Variants in CNDP1 observed in about 807,000 individuals in gnomAD.
The protein encoded by CNDP1 is carnosine dipeptidase 1.
Under a neutral mutation model 58.1 loss-of-function variants are expected in CNDP1, and 44 were observed. The ratio of observed to expected loss-of-function variants is 0.76; its 90% CI spans 0.60 to 0.97. The LOEUF (loss-of-function observed/expected upper bound fraction) is 0.97, where lower values mean the gene tolerates loss of function less well. Among genes scored for constraint, CNDP1 ranks in the 50% least tolerant of loss-of-function variants. The pLI is 0.00. For synonymous variants in CNDP1, 254 were observed against 252.6 expected (o/e 1.01, Z -0.05); for missense variants, 616 against 655.1 (o/e 0.94, Z 0.65).
chr18:74,544,159 G>C (rs545906665), intron 1 of CNDP1, among the ~76,000 whole-genome samples: 1 of 152,246 alleles, frequency 6.6e-6, no homozygotes, highest in East Asian at 1.9e-4. Context: ...GGCACAGACA[G>C]AAGAATCACT....
intron 3 of CNDP1, 35 bp from the exon 4 acceptor site, chr18:74,560,821 C>T: frequency 6.3e-7 from 1 of 1,592,874 alleles, no homozygotes; most frequent in Non-Finnish European, 8.6e-7. Flanking sequence ...AACAACACAG[C>T]ATTTTTGAAA....
At chr18:74,567,572 G>A in intron 6 of CNDP1, 139 bp downstream of exon 6, 1 of 743,704 alleles carries the variant, frequency 1.3e-6, no homozygotes, top group Non-Finnish European at 2.3e-6. Context: ...CGGCCTCAGG[G>A]GAGGTGGGGT....
At chr18:74,534,834 C>CT (rs1353416724) in intron 1 of CNDP1, 143 bp downstream of exon 1, 3 of 807,562 alleles carry the variant, frequency 3.7e-6, no homozygotes, top group African/African-American at 3.4e-5. Flanking sequence ...TTCTTAGGTG[C>CT]TGTCTTGGCC....
chr18:74,577,268 C>T, intron 8 of CNDP1: 1 of 334,244 alleles, frequency 3.0e-6, no homozygotes, highest in Non-Finnish European at 5.4e-6. Context: ...AGCAGTTACC[C>T]ATTTCCCAGC....
rs544875437 is a variant in CNDP1, at chr18:74,559,636, G to A, written c.303+164G>A. 1.3e-4 allele frequency among the ~76,000 whole-genome samples: 20 copies of A among 152,258 alleles called. No homozygotes were observed. The South Asian group carries it at 3.5e-3, about 27-fold the overall frequency. ...CATTCCCCTGGTCTCAAATGAAGCC[G>A]TGTTATTGCTTTCCAGTCTTGTCAG... On this transcript the variant is annotated intron_variant, in intron 3 of 11. Coordinates refer to ENST00000358821, the MANE Select transcript of CNDP1 (RefSeq NM_032649.6).
chr18:74,583,075 C>T (rs561965162), intron 10 of CNDP1, among the ~76,000 whole-genome samples: 24 of 152,322 alleles, frequency 1.6e-4, no homozygotes, highest in Admixed American at 1.0e-3. Context: ...TGCAAGATCT[C>T]GGCTCACCGC....
chr18:74,547,567 A>C (rs1239356060), intron 1 of CNDP1, among the ~76,000 whole-genome samples: 2 of 152,232 alleles, frequency 1.3e-5, no homozygotes, highest in African/African-American at 4.8e-5. Context: ...CAGGAGACAG[A>C]AGTGTCCTTC....
In CNDP1 at chr18:74,544,141, A is replaced by T. The variant is rs149113631; in HGVS notation, c.24+9450A>T. On this transcript the variant is annotated intron_variant, in intron 1 of 11. Transcript: ENST00000358821. Reference sequence around the variant, plus strand: ...GTGTTGCACACCTGTAGTCCCAGCCACTCAGGAGGCACAGACAGAAGAATC... The same window carrying T: ...GTGTTGCACACCTGTAGTCCCAGCCTCTCAGGAGGCACAGACAGAAGAATC... Among the ~76,000 whole-genome samples, 612 of 152,138 alleles carry T rather than the reference A, an allele frequency of 4.0e-3. 4 individuals are homozygous for T. The highest frequency in any genetic ancestry group is 0.013 in the African/African-American group (553 of 41,490).
At chr18:74,562,703 G>A (rs1053821127) in intron 5 of CNDP1, among the ~76,000 whole-genome samples, 2 of 152,184 alleles carry the variant, frequency 1.3e-5, no homozygotes, top group African/African-American at 4.8e-5. Context: ...CAGAGGCAGG[G>A]GTACATATTT....
At chr18:74,579,986 T>TG (rs1981746671) in intron 9 of CNDP1, 144 bp from the exon 10 acceptor site, 2 of 706,404 alleles carry the variant, frequency 2.8e-6, no homozygotes, top group South Asian at 3.8e-5. Flanking sequence ...TCACAACACT[T>TG]GCGTGTGTCA....
At chr18:74,535,583 T>TTTTTTTTTTTTTTC in intron 1 of CNDP1, among the ~76,000 whole-genome samples, 1 of 150,020 alleles carries the variant, frequency 6.7e-6, no homozygotes, top group Non-Finnish European at 1.5e-5. Flanking sequence ...TTGCTGACTT[T>TTTTTTTTTTTTTTC]TTTTTTTTTT....
intron 1 of CNDP1, among the ~76,000 whole-genome samples, chr18:74,554,580 T>C (rs1429908863): frequency 1.3e-5 from 2 of 152,138 alleles, no homozygotes; most frequent in African/African-American, 4.8e-5. Context: ...TATGGGGGCT[T>C]GAGGCCAAGG....
chr18:74,550,280 G>A (rs867248469), intron 1 of CNDP1, among the ~76,000 whole-genome samples: 13 of 152,350 alleles, frequency 8.5e-5, no homozygotes, highest in Admixed American at 3.9e-4. Context: ...TGCCCTGGAT[G>A]TGGGACATGG....
intron 1 of CNDP1, among the ~76,000 whole-genome samples, chr18:74,535,976 G>A (rs2144635154): frequency 6.6e-6 from 1 of 152,250 alleles, no homozygotes; most frequent in Non-Finnish European, 1.5e-5. Flanking sequence ...AGGCTGCAGT[G>A]AGCCATGGTT....
At position 74,583,726 on chromosome 18, in the gene CNDP1, C is replaced by A. The variant is rs766374179; in HGVS notation, c.1457+18C>A. On this transcript the variant is annotated intron_variant, in intron 11 of 11. Transcript: ENST00000358821. ...ATCAACAGGTCAGCTGATGCCTGTG[C>A]AATGTGCCTCTCTCTTCTTCCTTTA... 6 of 1,613,060 alleles carry A rather than the reference C, an allele frequency of 3.7e-6. No homozygotes were observed.
chr18:74,583,496 T>A, intron 10 of CNDP1, 65 bp from the exon 11 acceptor site: 1 of 1,396,012 alleles, frequency 7.2e-7, no homozygotes, highest in Non-Finnish European at 1.0e-6. Context: ...GGCACTGACC[T>A]TGAGGAGCTT....
intron 1 of CNDP1, among the ~76,000 whole-genome samples, chr18:74,549,635 G>A (rs1980849564): frequency 6.6e-6 from 1 of 152,214 alleles, no homozygotes; most frequent in Admixed American, 6.5e-5. Context: ...ACAGGTTGCA[G>A]AGCAACCACT....
At chr18:74,565,197 G>A (rs192562560) in intron 5 of CNDP1, among the ~76,000 whole-genome samples, 70 of 152,264 alleles carry the variant, frequency 4.6e-4, no homozygotes, top group African/African-American at 1.7e-3. Flanking sequence ...ACCTCCCCGT[G>A]GGTCCCTCCC....
intron 1 of CNDP1, among the ~76,000 whole-genome samples, chr18:74,544,353 GC>G (rs1236061851): frequency 2.6e-5 from 4 of 152,256 alleles, no homozygotes; most frequent in Middle Eastern, 3.4e-3. Flanking sequence ...CAAAGTCCTG[GC>G]CCCCATGGAG....
Sources: allele counts gnomAD v4.1 joint callset (sites outside exome capture counted in the v4.1 genomes callset), GRCh38; gene constraint gnomAD v4.1.1; transcripts MANE v1.5; gene names NCBI Gene and HGNC (gene_info 2026-07-23, HGNC 2026-07-21).